The following KCNT1 variants were observed in gnomAD, a reference collection of about 807,000 sequenced individuals.
KCNT1 encodes potassium channel subfamily T member 1.
Under a neutral mutation model 147.8 loss-of-function variants are expected in KCNT1, and 78 were observed. The ratio of observed to expected loss-of-function variants is 0.53; its 90% CI spans 0.44 to 0.64. The LOEUF (loss-of-function observed/expected upper bound fraction) is 0.64, where lower values mean the gene tolerates loss of function less well. Ranked by LOEUF, KCNT1 falls within the 30% of genes least tolerant of loss-of-function variation. KCNT1 has a pLI of 0.00. For synonymous variants in KCNT1, 867 were observed against 748.8 expected (o/e 1.16, Z -2.58); for missense variants, 1,419 against 1,750.3 (o/e 0.81, Z 3.38).
intron 1 of KCNT1, among the ~76,000 whole-genome samples, chr9:135,704,272 T>C (rs558261838): frequency 6.6e-6 from 1 of 152,114 alleles, no homozygotes; most frequent in South Asian, 2.1e-4. Flanking sequence ...TGCTGGAGGA[T>C]GCCAGCCTTG....
At chr9:135,736,850 G>A in intron 2 of KCNT1, 1 of 308,790 alleles carries the variant, frequency 3.2e-6, no homozygotes, top group Non-Finnish European at 6.0e-6. Context: ...CTCGGGCTGC[G>A]CTGGCTGGGC....
intron 2 of KCNT1, among the ~76,000 whole-genome samples, chr9:135,736,036 T>G (rs751898770): frequency 2.0e-5 from 3 of 152,212 alleles, no homozygotes; most frequent in Non-Finnish European, 2.9e-5. Flanking sequence ...CTGTGCCCGG[T>G]GCCCAGCCTG....
intron 2 of KCNT1, among the ~76,000 whole-genome samples, chr9:135,715,761 C>A (rs1335380683): frequency 6.6e-6 from 1 of 152,150 alleles, no homozygotes; most frequent in Non-Finnish European, 1.5e-5. Flanking sequence ...CCATGAGGAC[C>A]ATGAAGATTT....
intron 18 of KCNT1, among the ~76,000 whole-genome samples, chr9:135,771,772 T>G (rs923235637): frequency 1.3e-5 from 2 of 151,814 alleles, no homozygotes; most frequent in African/African-American, 4.9e-5. Flanking sequence ...TGTTGCCCCC[T>G]CCCCAGCCAG....
At chr9:135,751,480 G>C (rs1405848068) in intron 4 of KCNT1, among the ~76,000 whole-genome samples, 3 of 152,106 alleles carry the variant, frequency 2.0e-5, no homozygotes, top group Non-Finnish European at 4.4e-5. Flanking sequence ...CCCTCCCCAG[G>C]GCCCATCGTC....
At position 135,702,287 on chromosome 9, in the gene KCNT1, C is replaced by CG. The variant is rs1835063072; in HGVS notation, c.35dup (p.Val13ArgfsTer18). The CG allele has an allele frequency of 1.9e-6, 3 of 1,609,166 alleles. No individual in the cohort carries two copies. The highest frequency in any genetic ancestry group is 1.3e-5 in the African/African-American group (1 of 74,544). On this transcript the variant is annotated frameshift_variant, in exon 1 of 31. Coordinates refer to ENST00000371757, the MANE Select transcript of KCNT1 (RefSeq NM_020822.3). LOFTEE classifies it high-confidence loss of function. ...CCACTCCCTGACGGGGCGCGGACCC[C>CG]GGGGGGCGTCTGCCGGGAGGCGCGC...
chr9:135,710,394 AGG>A (rs1835437454), intron 1 of KCNT1, among the ~76,000 whole-genome samples: 2 of 152,252 alleles, frequency 1.3e-5, no homozygotes, highest in African/African-American at 4.8e-5. Flanking sequence ...AGGACAAATA[AGG>A]AACAAGGTCA....
chr9:135,784,241 C>A, intron 25 of KCNT1, 116 bp downstream of exon 25: 1 of 856,442 alleles, frequency 1.2e-6, no homozygotes, highest in Admixed American at 1.9e-5. Context: ...ATGACCTTCC[C>A]TGGATTCCAA....
At chr9:135,706,255 C>T (rs1835250304) in intron 1 of KCNT1, among the ~76,000 whole-genome samples, 1 of 152,232 alleles carries the variant, frequency 6.6e-6, no homozygotes, top group Non-Finnish European at 1.5e-5. Flanking sequence ...GCTTGCACAC[C>T]AGCCAGTTCG....
chr9:135,765,320 G>T, intron 12 of KCNT1, 125 bp downstream of exon 12: 12 of 925,278 alleles, frequency 1.3e-5, no homozygotes, highest in Non-Finnish European at 3.3e-6. Flanking sequence ...TTCAGTGAGG[G>T]CAGATGCCTC....
At chr9:135,788,051 TTCTCTC>T (rs200386590) in intron 29 of KCNT1, 3 of 1,345,020 alleles carry the variant, frequency 2.2e-6, no homozygotes, top group Admixed American at 1.8e-5. Context: ...CTTGCTGATA[TTCTCTC>T]TCTCTCTCTT....
chr9:135,770,065 C>T lies in KCNT1; in HGVS notation c.1619+10C>T. The T allele has an allele frequency of 6.5e-7, 1 of 1,546,244 alleles. No homozygotes were observed. Among genetic ancestry groups the T allele is most frequent in the South Asian group, 1.2e-5 (1 of 83,902 alleles). On this transcript the variant is annotated intron_variant, in intron 16 of 30. Transcript: ENST00000371757. ...ACACGTCCCGCGGCCAGTGAGTGCC[C>T]CGTGCCCCGGGGGACCGACCTCCAT... is the stretch of plus-strand genomic sequence containing the variant.
chr9:135,729,308 G>T (rs566957239), intron 2 of KCNT1, among the ~76,000 whole-genome samples: 2 of 152,244 alleles, frequency 1.3e-5, no homozygotes, highest in Admixed American at 6.5e-5. Context: ...GAGGGCATAT[G>T]CCAAGGAAGG....
At chr9:135,739,330 T>C (rs957065050) in intron 2 of KCNT1, among the ~76,000 whole-genome samples, 1 of 151,990 alleles carries the variant, frequency 6.6e-6, no homozygotes, top group South Asian at 2.1e-4. Flanking sequence ...AGCACCCCAG[T>C]GTCTATGGCA....
rs187484392 is a variant in KCNT1 at position 135,741,693 on chromosome 9, C to T, written c.255-8405C>T. Among the ~76,000 whole-genome samples, 1,314 of 152,354 alleles carry T rather than the reference C, an allele frequency of 8.6e-3. 14 individuals are homozygous for T. The highest frequency in any genetic ancestry group is 0.017 in the Admixed American group (262 of 15,310). On this transcript the variant is annotated intron_variant, in intron 2 of 30. Coordinates refer to ENST00000371757, the MANE Select transcript of KCNT1 (RefSeq NM_020822.3). ...GGCACCAGGAGGGCACCTGCCCACC[C>T]GGAGAGCCTGGCGTAGGCCGATGAG...
intron 2 of KCNT1, among the ~76,000 whole-genome samples, chr9:135,726,791 C>A (rs1836169481): frequency 1.5e-5 from 2 of 136,066 alleles, no homozygotes; most frequent in South Asian, 5.3e-4. Flanking sequence ...CTCCGTCTTT[C>A]CTATTCTCTC....
At chr9:135,726,697 C>G (rs1836157642) in intron 2 of KCNT1, among the ~76,000 whole-genome samples, 1 of 150,886 alleles carries the variant, frequency 6.6e-6, no homozygotes, top group Non-Finnish European at 1.5e-5. Context: ...CTCTCTCTAC[C>G]TCTCTCCCTC....
intron 2 of KCNT1, among the ~76,000 whole-genome samples, chr9:135,731,997 G>T (rs111734619): frequency 0.057 from 1,797 of 31,730 alleles, 7 homozygotes; most frequent in Non-Finnish European, 0.083. Context: ...TATATAGAGA[G>T]AGAGAGAGAG....
intron 30 of KCNT1, 36 bp downstream of exon 30, chr9:135,791,917 C>T: frequency 1.2e-6 from 2 of 1,611,932 alleles, no homozygotes; most frequent in Non-Finnish European, 1.7e-6. Context: ...GAGACCCCCC[C>T]TGAGCACCAG....
Sources: allele counts gnomAD v4.1 joint callset (sites outside exome capture counted in the v4.1 genomes callset), GRCh38; gene constraint gnomAD v4.1.1; transcripts MANE v1.5; gene names NCBI Gene and HGNC (gene_info 2026-07-23, HGNC 2026-07-21).